TGFA: variants seen among roughly 807,000 people sequenced by gnomAD.
The protein encoded by TGFA is transforming growth factor alpha.
In TGFA, 12 loss-of-function variants were observed where a neutral mutation model predicts 21.7. The observed-to-expected ratio is 0.55, with a 90% confidence interval of 0.35 to 0.90. TGFA has a LOEUF of 0.90. TGFA is among the 40% of genes least tolerant of loss of function. The pLI, the probability that TGFA is intolerant of heterozygous loss-of-function variation, is 0.01. For synonymous variants in TGFA, 79 were observed against 88.1 expected (o/e 0.90, Z 0.58); for missense variants, 178 against 210.8 (o/e 0.84, Z 0.96).
chr2:70,450,913 C>T (rs782637178), intron 5 of TGFA, 47 bp from the exon 6 acceptor site: 1 of 1,594,376 alleles, frequency 6.3e-7, no homozygotes, highest in Non-Finnish European at 8.6e-7. Flanking sequence ...CACACCCTGG[C>T]CACGTTGGGA....
chr2:70,523,726 A>G (rs1232758376), intron 1 of TGFA, among the ~76,000 whole-genome samples: 2 of 152,094 alleles, frequency 1.3e-5, no homozygotes, highest in African/African-American at 4.8e-5. Context: ...CTCTCAGCCC[A>G]GACCTCATTT....
At chr2:70,499,743 T>A (rs1233724621) in intron 2 of TGFA, among the ~76,000 whole-genome samples, 1 of 152,180 alleles carries the variant, frequency 6.6e-6, no homozygotes, top group Non-Finnish European at 1.5e-5. Context: ...TTTTCACAAG[T>A]ACAGGGACAT....
rs577140418 is a variant in TGFA, at chr2:70,546,873, T to C, written c.40+6855A>G. On this transcript the variant is annotated intron_variant, in intron 1 of 5. Transcript: ENST00000295400. ...CTTGGCCAGAAAACCTTTTAATAGC[T>C]AAATCTTTTAAATAGCTACACAGTA... Among the ~76,000 whole-genome samples the C allele has an allele frequency of 6.6e-5, 10 of 152,274 alleles. No individual in the cohort carries two copies. The South Asian group carries it at 2.1e-3, about 32-fold the overall frequency.
chr2:70,536,501 C>T (rs1199946460), intron 1 of TGFA, among the ~76,000 whole-genome samples: 1 of 152,094 alleles, frequency 6.6e-6, no homozygotes, highest in Non-Finnish European at 1.5e-5. Flanking sequence ...ACAATGCATG[C>T]TCTCAGACCA....
chr2:70,451,066 C>A lies in TGFA; in HGVS notation c.476-200G>T, dbSNP rs11466276. Reference sequence around the variant, plus strand: ...CTAGTACTTTCAGTGCCAAAGGAAGCTAGAGAGACTGATTGAAAGTGAGTG... The same window carrying A: ...CTAGTACTTTCAGTGCCAAAGGAAGATAGAGAGACTGATTGAAAGTGAGTG... On this transcript the variant is annotated intron_variant, in intron 5 of 5. Transcript: ENST00000295400. Among the ~76,000 whole-genome samples the A allele has an allele frequency of 9.0e-3, 1,358 of 151,470 alleles. 8 individuals carry two copies. The highest frequency in any genetic ancestry group is 0.015 in the Non-Finnish European group (1,043 of 67,962).
intron 2 of TGFA, among the ~76,000 whole-genome samples, chr2:70,491,384 C>T: frequency 6.6e-6 from 1 of 152,172 alleles, no homozygotes; most frequent in East Asian, 1.9e-4. Context: ...ACCCTCCCAA[C>T]CCAAACCAAA....
intron 2 of TGFA, among the ~76,000 whole-genome samples, chr2:70,477,334 A>G (rs1188675193): frequency 6.6e-6 from 1 of 152,218 alleles, no homozygotes; most frequent in Non-Finnish European, 1.5e-5. Context: ...CAGAAACCTC[A>G]CACACTCCTA....
chr2:70,464,406 C>A (rs1670489190), intron 3 of TGFA, among the ~76,000 whole-genome samples: 1 of 152,216 alleles, frequency 6.6e-6, no homozygotes. Context: ...CAATCCTCAA[C>A]CATATTTTAC....
At chr2:70,482,697 C>A (rs782341355) in intron 2 of TGFA, among the ~76,000 whole-genome samples, 4 of 151,774 alleles carry the variant, frequency 2.6e-5, no homozygotes, top group Non-Finnish European at 4.4e-5. Context: ...GGCTGTGATC[C>A]ATTGTTCTGG....
chr2:70,517,821 C>T (rs782791356), intron 1 of TGFA, among the ~76,000 whole-genome samples: 7 of 152,242 alleles, frequency 4.6e-5, no homozygotes, highest in African/African-American at 7.2e-5. Context: ...AGCCTTGATC[C>T]GTCTCTCCCT....
At position 70,448,733 on chromosome 2, in the gene TGFA, C is replaced by T. The variant is rs1306599693; in HGVS notation, c.*2126G>A. 1 of 152,168 alleles carries T rather than the reference C, an allele frequency of 6.6e-6. No individual in the cohort carries two copies. The highest frequency in any genetic ancestry group is 1.5e-5 in the Non-Finnish European group (1 of 68,028). The allele number at this position is 152,168 out of a possible 1,614,324, so 9.4% of individuals were successfully genotyped here. A position where few individuals can be genotyped will look rare whatever the true frequency, so the allele number is the denominator to read the frequency against. ...CAAAGGACTGACTTGGAAGGCACTT[C>T]TAGGGAGGCGTATATGTGAGGCCTC... On this transcript the variant is annotated 3_prime_UTR_variant, in exon 6 of 6. Coordinates refer to ENST00000295400, the MANE Select transcript of TGFA (RefSeq NM_003236.4).
At chr2:70,455,752 A>C (rs561474686) in intron 4 of TGFA, among the ~76,000 whole-genome samples, 4 of 152,274 alleles carry the variant, frequency 2.6e-5, no homozygotes, top group Admixed American at 2.6e-4. Context: ...AGATGTGGGC[A>C]AGCAAATGGG....
intron 2 of TGFA, among the ~76,000 whole-genome samples, chr2:70,507,240 A>G (rs1454323328): frequency 6.6e-6 from 1 of 152,244 alleles, no homozygotes; most frequent in East Asian, 1.9e-4. Flanking sequence ...ACACTGGCCA[A>G]CAGACCTGCA....
intron 1 of TGFA, among the ~76,000 whole-genome samples, chr2:70,533,979 G>C (rs1344940893): frequency 6.9e-6 from 1 of 145,442 alleles, no homozygotes. Context: ...TTATCTAAAG[G>C]AAAAAAAAAA....
At chr2:70,523,313 T>C (rs565725944) in intron 1 of TGFA, among the ~76,000 whole-genome samples, 3 of 152,162 alleles carry the variant, frequency 2.0e-5, no homozygotes, top group Non-Finnish European at 2.9e-5. Flanking sequence ...TGAACGCTCA[T>C]TGTGAACGTT....
intron 2 of TGFA, among the ~76,000 whole-genome samples, chr2:70,497,804 G>A (rs782323411): frequency 4.6e-5 from 7 of 152,148 alleles, no homozygotes; most frequent in African/African-American, 1.7e-4. Flanking sequence ...AGCTATCCAG[G>A]CTAAGCAATT....
At chr2:70,473,836 C>T (rs537764463) in intron 2 of TGFA, among the ~76,000 whole-genome samples, 18 of 152,114 alleles carry the variant, frequency 1.2e-4, no homozygotes, top group Admixed American at 2.0e-4. Context: ...AAGGGGCCTT[C>T]GTTGTAGTTA....
At chr2:70,504,467 C>CATATATATATATATATATATAT (rs1264518373) in intron 2 of TGFA, among the ~76,000 whole-genome samples, 76 of 82,860 alleles carry the variant, frequency 9.2e-4, no homozygotes, top group Non-Finnish European at 1.2e-3. Flanking sequence ...TATATATACA[C>CATATATATATATATATATATAT]ACATACATAC....
chr2:70,451,845 G>T, intron 5 of TGFA: 1 of 669,336 alleles, frequency 1.5e-6, no homozygotes. Flanking sequence ...ACCCAAGCAG[G>T]CTGTCATCAG....
Sources: gnomAD v4.1 joint callset for allele counts (sites outside exome capture counted in the v4.1 genomes callset) on GRCh38, gnomAD v4.1.1 for gene constraint, MANE v1.5 for transcripts, NCBI Gene and HGNC (gene_info 2026-07-23, HGNC 2026-07-21) for gene names.